NUP37: variants seen among roughly 807,000 people sequenced by gnomAD.
NUP37 encodes nucleoporin 37, also known as nucleoporin Nup37.
NUP37 carries 33 observed loss-of-function variants against 45.4 expected under a neutral mutation model. The observed-to-expected ratio is 0.73, with a 90% CI of 0.55 to 0.97. NUP37 has a LOEUF of 0.97. Ranked by LOEUF, NUP37 falls within the 50% of genes least tolerant of loss-of-function variation. The pLI is 0.00. For synonymous variants in NUP37, 127 were observed against 130.7 expected (o/e 0.97, Z 0.19); for missense variants, 365 against 389.7 (o/e 0.94, Z 0.53).
intron 3 of NUP37, among the ~76,000 whole-genome samples, chr12:102,108,646 T>C (rs1184551093): frequency 1.3e-5 from 2 of 152,214 alleles, no homozygotes; most frequent in Non-Finnish European, 2.9e-5. Context: ...ATTTTATACA[T>C]GCAAATAAAG....
At chr12:102,114,348 G>T (rs1246488517) in intron 2 of NUP37, among the ~76,000 whole-genome samples, 4 of 145,908 alleles carry the variant, frequency 2.7e-5, no homozygotes, top group Non-Finnish European at 6.2e-5. Context: ...TGGGGATAAA[G>T]AAATCTCAGG....
chr12:102,116,109 C>G (rs993122857), intron 2 of NUP37, among the ~76,000 whole-genome samples: 8 of 152,134 alleles, frequency 5.3e-5, no homozygotes, highest in African/African-American at 1.7e-4. Flanking sequence ...TACATGTGAC[C>G]ATAAACTATA....
At chr12:102,074,578 C>G (rs1227771158) in intron 9 of NUP37, 111 bp from the exon 10 acceptor site, 3 of 671,662 alleles carry the variant, frequency 4.5e-6, no homozygotes, top group Non-Finnish European at 7.5e-6. Flanking sequence ...GTAGCATAAA[C>G]AAAATTTAAA....
At chr12:102,116,103 T>C (rs1430451995) in intron 2 of NUP37, among the ~76,000 whole-genome samples, 1 of 152,208 alleles carries the variant, frequency 6.6e-6, no homozygotes, top group African/African-American at 2.4e-5. Context: ...AGACAATACA[T>C]GTGACCATAA....
intron 2 of NUP37, among the ~76,000 whole-genome samples, chr12:102,116,246 CA>C (rs1880458303): frequency 1.3e-5 from 2 of 152,184 alleles, no homozygotes; most frequent in South Asian, 2.1e-4. Context: ...CTTTCTCCCT[CA>C]ACATTTCTTA....
chr12:102,114,194 A>T (rs1594402182), intron 2 of NUP37, among the ~76,000 whole-genome samples: 1 of 152,206 alleles, frequency 6.6e-6, no homozygotes, highest in East Asian at 1.9e-4. Flanking sequence ...GATTACATCT[A>T]TTTTTCCAAA....
chr12:102,097,710 A>G (rs918877034), intron 5 of NUP37, among the ~76,000 whole-genome samples: 18 of 152,192 alleles, frequency 1.2e-4, no homozygotes, highest in African/African-American at 3.9e-4. Context: ...TGTGATTAGG[A>G]AAATCTATGT....
chr12:102,092,933 T>C (rs1879700412), intron 5 of NUP37, among the ~76,000 whole-genome samples: 1 of 152,056 alleles, frequency 6.6e-6, no homozygotes, highest in South Asian at 2.1e-4. Context: ...AGATTAATTC[T>C]TTTTTTAATA....
In NUP37 at chr12:102,112,228, TCTTC is replaced by T; in HGVS notation, c.157_160del (p.Glu53LysfsTer25). 6.2e-7 allele frequency: 1 copy of T among 1,611,344 alleles called. No individual in the cohort carries two copies. The highest frequency in any genetic ancestry group is 1.1e-5 in the South Asian group (1 of 90,864). On this transcript the variant is annotated frameshift_variant and splice_region_variant, in exon 3 of 10. Coordinates refer to ENST00000552283, the MANE Select transcript of NUP37 (RefSeq NM_024057.4). LOFTEE classifies it high-confidence loss of function. ...CTGAATGCCTTCAACGTCTGCTTCT[TCTTC>T]CTAAGCATACACAGTAAATGTTTTA...
At chr12:102,074,643 G>C (rs1879117972) in intron 9 of NUP37, 176 bp from the exon 10 acceptor site, 1 of 549,976 alleles carries the variant, frequency 1.8e-6, no homozygotes, top group South Asian at 2.5e-5. Flanking sequence ...TGAAACATGG[G>C]ATACAATCCA....
chr12:102,114,514 T>C (rs1380572820), intron 2 of NUP37, among the ~76,000 whole-genome samples: 1 of 152,164 alleles, frequency 6.6e-6, no homozygotes, highest in Non-Finnish European at 1.5e-5. Flanking sequence ...CAGAATTGTA[T>C]AGGCAGGAAA....
chr12:102,101,134 T>C (rs1424071281), intron 3 of NUP37, 30 bp from the exon 4 acceptor site: 4 of 1,385,912 alleles, frequency 2.9e-6, no homozygotes, highest in Non-Finnish European at 4.0e-6. Context: ...AATATACCAA[T>C]TTTTAGCCTT....
intron 5 of NUP37, among the ~76,000 whole-genome samples, chr12:102,086,794 C>G (rs1879484285): frequency 2.0e-5 from 3 of 152,194 alleles, no homozygotes; most frequent in African/African-American, 7.2e-5. Context: ...TCCTTAAGAA[C>G]TGAACTTGAC....
At chr12:102,092,382 T>C (rs577087537) in intron 5 of NUP37, among the ~76,000 whole-genome samples, 1 of 152,274 alleles carries the variant, frequency 6.6e-6, no homozygotes, top group Admixed American at 6.5e-5. Flanking sequence ...AACAAAGTAA[T>C]ACAGAGATGT....
At chr12:102,107,534 G>C (rs1167326791) in intron 3 of NUP37, among the ~76,000 whole-genome samples, 1 of 152,156 alleles carries the variant, frequency 6.6e-6, no homozygotes, top group African/African-American at 2.4e-5. Context: ...TATGTTAAGG[G>C]TGGTCCAAGT....
At chr12:102,104,330 G>A (rs542451074) in intron 3 of NUP37, among the ~76,000 whole-genome samples, 1 of 152,140 alleles carries the variant, frequency 6.6e-6, no homozygotes, top group East Asian at 1.9e-4. Context: ...ATTTTGTTGT[G>A]GTTGAGTTGT....
intron 5 of NUP37, among the ~76,000 whole-genome samples, chr12:102,091,994 G>C (rs1232799293): frequency 6.6e-6 from 1 of 152,076 alleles, no homozygotes; most frequent in Non-Finnish European, 1.5e-5. Context: ...TTAACAAAAA[G>C]GTCCCATAAA....
chr12:102,099,395 A>G (rs1389731796), intron 4 of NUP37, among the ~76,000 whole-genome samples, 195 bp from the exon 5 acceptor site: 1 of 152,146 alleles, frequency 6.6e-6, no homozygotes, highest in African/African-American at 2.4e-5. Flanking sequence ...TGGGAAAAAA[A>G]TTGATCATTC....
Position 102,096,363 on chromosome 12 carries a change from CT to C in NUP37, c.449+2742del, listed in dbSNP as rs780890285. On this transcript the variant is annotated intron_variant, in intron 5 of 9. Transcript: ENST00000552283. The stretch of plus-strand genomic sequence containing the variant: ...TAACATTTTGTATTATCAGAGGTAC[CT>C]TTGTTCACAGTACGACTCTTTATTC... 2.0e-5 allele frequency among the ~76,000 whole-genome samples: 3 copies of C among 152,126 alleles called. No individual in the cohort carries two copies. The South Asian group carries it at 6.2e-4, about 32-fold the overall frequency.
Sources: gnomAD v4.1 joint callset for allele counts (sites outside exome capture counted in the v4.1 genomes callset) on GRCh38, gnomAD v4.1.1 for gene constraint, MANE v1.5 for transcripts, NCBI Gene and HGNC (gene_info 2026-07-23, HGNC 2026-07-21) for gene names.